Variants in RORA observed in about 807,000 individuals in gnomAD.
RORA encodes nuclear receptor ROR-alpha.
A neutral mutation model predicts 69.5 loss-of-function variants in RORA; 7 were observed. The ratio of observed to expected loss-of-function variants is 0.10; its 90% CI spans 0.06 to 0.19. The LOEUF is 0.19. Among genes scored for constraint, RORA ranks in the 10% least tolerant of loss-of-function variants. RORA has a pLI of 1.00. For missense variants in RORA, 457 were observed against 663.0 expected (o/e 0.69, Z 3.41); for synonymous variants, 261 against 240.8 (o/e 1.08, Z -0.78).
At chr15:61,202,969 T>C (rs537931624) in intron 1 of RORA, among the ~76,000 whole-genome samples, 18 of 152,006 alleles carry the variant, frequency 1.2e-4, no homozygotes, top group Non-Finnish European at 2.6e-4. Flanking sequence ...CAGTCAAAAA[T>C]TACAATCATA....
Position 60,999,110 on chromosome 15 carries a change from A to C in RORA, c.166+229943T>G, listed in dbSNP as rs191845839. On this transcript the variant is annotated intron_variant, in intron 1 of 10. Coordinates refer to ENST00000335670, the MANE Select transcript of RORA (RefSeq NM_134261.3). ...TCATCAAGCATGGTGGTTATCAAGC[A>C]GTTGTTGCTGATGTGTTCAAGCAGT... Among the ~76,000 whole-genome samples, 469 of 152,310 alleles carry C rather than the reference A, an allele frequency of 3.1e-3. 3 individuals are homozygous for C. Among genetic ancestry groups the C allele is most frequent in the African/African-American group, 0.011 (449 of 41,570 alleles).
chr15:60,668,737 TA>T (rs1377605019), intron 2 of RORA, among the ~76,000 whole-genome samples: 1 of 152,178 alleles, frequency 6.6e-6, no homozygotes, highest in East Asian at 1.9e-4. Flanking sequence ...GAAAGAGAGA[TA>T]AATTAACTCA....
intron 1 of RORA, among the ~76,000 whole-genome samples, chr15:61,130,193 A>C (rs2079178597): frequency 6.6e-6 from 1 of 152,238 alleles, no homozygotes. Context: ...TAATATTAGC[A>C]TAATAATTTA....
rs2065701113 is a variant in RORA, at chr15:60,511,641, C to G, written c.425-20G>C. ...TTACAGCTGGAAGAAAAAAGCCAAACCATACTACATACAATGCGCTTTTCT... is the reference window on the plus strand; with the variant it reads ...TTACAGCTGGAAGAAAAAAGCCAAAGCATACTACATACAATGCGCTTTTCT... On this transcript the variant is annotated intron_variant, in intron 4 of 10. Coordinates refer to ENST00000335670, the MANE Select transcript of RORA (RefSeq NM_134261.3). This position sits in a 1 kb window ranked among gnomAD's most constrained non-coding sequence, Gnocchi z 6.4. The G allele has an allele frequency of 6.3e-7, 1 of 1,591,210 alleles. No individual in the cohort carries two copies.
chr15:60,698,434 A>C (rs930100668), intron 1 of RORA, among the ~76,000 whole-genome samples: 3 of 152,206 alleles, frequency 2.0e-5, no homozygotes, highest in African/African-American at 7.2e-5. Context: ...ATTATGATTT[A>C]AATACTGAAA....
chr15:60,601,811 G>A (rs2068818076), intron 2 of RORA, among the ~76,000 whole-genome samples: 1 of 152,098 alleles, frequency 6.6e-6, no homozygotes, highest in Admixed American at 6.5e-5. Flanking sequence ...TTTATTAAGT[G>A]ACTGTAGTTA....
intron 1 of RORA, among the ~76,000 whole-genome samples, chr15:61,145,448 T>A (rs1205591587): frequency 6.6e-6 from 1 of 152,234 alleles, no homozygotes. Context: ...GATGTGTACT[T>A]CCTTCGATAA....
intron 1 of RORA, among the ~76,000 whole-genome samples, chr15:60,985,314 G>A (rs1894165908): frequency 1.3e-5 from 2 of 152,126 alleles, no homozygotes; most frequent in South Asian, 2.1e-4. Context: ...GTATCTTTGA[G>A]TGAAGGAGAA....
At chr15:60,859,655 C>CTTTTT (rs71122880) in intron 1 of RORA, among the ~76,000 whole-genome samples, 1,647 of 101,486 alleles carry the variant, frequency 0.016, 59 homozygotes, top group East Asian at 0.15. Flanking sequence ...TTCTTTCTTT[C>CTTTTT]TTTTTTTTTT....
intron 1 of RORA, among the ~76,000 whole-genome samples, chr15:60,988,717 A>G (rs1308363035): frequency 6.6e-6 from 1 of 152,106 alleles, no homozygotes; most frequent in African/African-American, 2.4e-5. Context: ...TTTAAAGGCC[A>G]CCTGAAACAT....
chr15:61,228,649 T>G (rs1206226988), intron 1 of RORA, among the ~76,000 whole-genome samples: 1 of 151,724 alleles, frequency 6.6e-6, no homozygotes, highest in African/African-American at 2.4e-5. Flanking sequence ...ACAGATTTTT[T>G]TGCCCCTTCT....
intron 1 of RORA, chr15:61,194,043 AG>A (rs1459755755): frequency 6.6e-6 from 1 of 152,222 alleles, no homozygotes; most frequent in Non-Finnish European, 1.5e-5. Flanking sequence ...AGCAGGGCCA[AG>A]ACTGATAACG....
chr15:61,116,479 C>T (rs924724508), intron 1 of RORA, among the ~76,000 whole-genome samples: 7 of 152,168 alleles, frequency 4.6e-5, no homozygotes, highest in African/African-American at 9.7e-5. Context: ...CACCTATCAC[C>T]GGATACCCCA....
At chr15:60,846,260 T>C (rs10519080) in intron 1 of RORA, among the ~76,000 whole-genome samples, 17,546 of 152,246 alleles carry the variant, frequency 0.12, 1,301 homozygotes, top group Admixed American at 0.21. Context: ...ACCACATTGG[T>C]GCCCGTACTG....
At chr15:61,079,027 T>C (rs1362326195) in intron 1 of RORA, among the ~76,000 whole-genome samples, 2 of 152,180 alleles carry the variant, frequency 1.3e-5, no homozygotes, top group African/African-American at 2.4e-5. Context: ...AGTGATTAAA[T>C]GACTAAGTCC....
At position 61,003,305 on chromosome 15, in the gene RORA, G is replaced by A. The variant is rs140342083; in HGVS notation, c.166+225748C>T. 3.8e-3 allele frequency among the ~76,000 whole-genome samples: 584 copies of A among 152,258 alleles called. 2 individuals carry two copies. The highest frequency in any genetic ancestry group is 0.014 in the African/African-American group (562 of 41,530). ...AATCTCCAAGCCTTTTAGAAGTCTT[G>A]AAGGACTGAAGAGACTATGTAATCT... On this transcript the variant is annotated intron_variant, in intron 1 of 10. Transcript: ENST00000335670.
chr15:60,566,377 AT>A (rs1490097782), intron 2 of RORA, among the ~76,000 whole-genome samples: 1 of 151,988 alleles, frequency 6.6e-6, no homozygotes, highest in Non-Finnish European at 1.5e-5. Context: ...TGTTATTTTA[AT>A]TTTTTTTGAA....
At chr15:60,885,909 GC>G (rs1447835741) in intron 1 of RORA, among the ~76,000 whole-genome samples, 1 of 152,230 alleles carries the variant, frequency 6.6e-6, no homozygotes, top group South Asian at 2.1e-4. Flanking sequence ...GGTATGCACA[GC>G]CTGTGCTCCC....
intron 2 of RORA, among the ~76,000 whole-genome samples, chr15:60,660,398 C>T (rs974066): frequency 6.6e-6 from 1 of 151,974 alleles, no homozygotes; most frequent in Admixed American, 6.5e-5. Context: ...CTAAATCTTA[C>T]ACCATTCCTA....
Sources: allele counts gnomAD v4.1 joint callset (sites outside exome capture counted in the v4.1 genomes callset), GRCh38; gene constraint gnomAD v4.1.1; non-coding constraint Gnocchi (gnomAD v3.1); transcripts MANE v1.5; gene names NCBI Gene and HGNC (gene_info 2026-07-23, HGNC 2026-07-21).